Variants in WLS observed in about 807,000 individuals in gnomAD.
The protein encoded by WLS is Wnt ligand secretion mediator.
A neutral mutation model predicts 62.8 loss-of-function variants in WLS; 23 were observed. The ratio of observed to expected loss-of-function variants is 0.37; its 90% CI spans 0.26 to 0.52. The LOEUF is 0.52. WLS is among the 20% of genes least tolerant of loss of function. WLS has a pLI of 0.92. For synonymous variants in WLS, 246 were observed against 244.1 expected, an observed-to-expected ratio of 1.01 and a Z score of -0.07; for missense variants, 615 against 697.3, an observed-to-expected ratio of 0.88 and a Z score of 1.33.
At chr1:68,109,346 G>A (rs1646189309) in intron 11 of WLS, among the ~76,000 whole-genome samples, 2 of 152,166 alleles carry the variant, frequency 1.3e-5, no homozygotes, top group Admixed American at 1.3e-4. Flanking sequence ...CAATATATGA[G>A]CACTCAATAA....
intron 11 of WLS, among the ~76,000 whole-genome samples, chr1:68,113,626 T>C (rs1394100483): frequency 6.6e-6 from 1 of 152,152 alleles, no homozygotes; most frequent in African/African-American, 2.4e-5. Context: ...ACACATCTCT[T>C]AGAAATATTG....
chr1:68,214,206 C>CAT (rs1355759388), intron 1 of WLS, among the ~76,000 whole-genome samples: 5 of 152,040 alleles, frequency 3.3e-5, no homozygotes, highest in African/African-American at 1.2e-4. Context: ...CACACACACA[C>CAT]ACACCCCATT....
chr1:68,125,059 G>T (rs1054395574), downstream of WLS, among the ~76,000 whole-genome samples: 13 of 152,186 alleles, frequency 8.5e-5, no homozygotes, highest in Non-Finnish European at 1.3e-4. Flanking sequence ...TATCTCCAGT[G>T]CAAGTGTTAA....
downstream of WLS, among the ~76,000 whole-genome samples, chr1:68,120,651 T>C (rs548831680): frequency 2.5e-3 from 387 of 152,312 alleles, 3 homozygotes; most frequent in Non-Finnish European, 4.3e-3. Context: ...GATATGTAAC[T>C]TACAAAGTTG....
intron 11 of WLS, among the ~76,000 whole-genome samples, chr1:68,136,945 G>T (rs1165144744): frequency 6.6e-6 from 1 of 152,306 alleles, no homozygotes; most frequent in African/African-American, 2.4e-5. Flanking sequence ...CTATGTTTGG[G>T]GAATAGCAAA....
intron 1 of WLS, 77 bp downstream of exon 1, chr1:68,232,102 CAGTGATACTGTAACA>C: frequency 6.5e-7 from 1 of 1,532,250 alleles, no homozygotes. Context: ...AGAAGCAAGG[CAGTGATACTGTAACA>C]AGTAGCCCAA....
chr1:68,183,395 A>G (rs542332227), intron 2 of WLS: 2 of 247,862 alleles, frequency 8.1e-6, no homozygotes, highest in African/African-American at 4.6e-5. Context: ...TTATGTGAAT[A>G]TCATACTACC....
chr1:68,148,744 C>T, intron 6 of WLS, 84 bp from the exon 7 acceptor site: 4 of 1,223,426 alleles, frequency 3.3e-6, no homozygotes, highest in Non-Finnish European at 4.7e-6. Context: ...TCGAAGGACA[C>T]TTGCCGACCA....
At chr1:68,115,739 G>C (rs900768546) in intron 11 of WLS, among the ~76,000 whole-genome samples, 1 of 151,524 alleles carries the variant, frequency 6.6e-6, no homozygotes, top group South Asian at 2.1e-4. Flanking sequence ...ATTTCTGAAG[G>C]CATTTTCAAA....
At chr1:68,136,524 GC>G (rs1646612758) in intron 11 of WLS, among the ~76,000 whole-genome samples, 1 of 152,082 alleles carries the variant, frequency 6.6e-6, no homozygotes, top group African/African-American at 2.4e-5. Context: ...ACCACCCCCC[GC>G]TTTGTAAAGA....
At chr1:68,112,036 T>C (rs1646234822) in intron 11 of WLS, among the ~76,000 whole-genome samples, 1 of 152,208 alleles carries the variant, frequency 6.6e-6, no homozygotes, top group Non-Finnish European at 1.5e-5. Context: ...GAATGTACAG[T>C]ATTCATTGCT....
chr1:68,161,755 T>G, intron 2 of WLS: 1 of 1,592,590 alleles, frequency 6.3e-7, no homozygotes, highest in Non-Finnish European at 8.6e-7. Context: ...CATTCTCTGC[T>G]ATTGCTCGTT....
At chr1:68,108,698 A>G (rs1646179983) in intron 11 of WLS, among the ~76,000 whole-genome samples, 1 of 152,192 alleles carries the variant, frequency 6.6e-6, no homozygotes, top group South Asian at 2.1e-4. Flanking sequence ...ATTAATTTTA[A>G]TTTAATAGCC....
chr1:68,206,934 T>TC (rs1286812342), intron 1 of WLS, among the ~76,000 whole-genome samples: 1 of 152,016 alleles, frequency 6.6e-6, no homozygotes, highest in Non-Finnish European at 1.5e-5. Context: ...ATCAGGCCCC[T>TC]CCTCCCCCTC....
rs115656397 is a variant in WLS, at chr1:68,130,166, T to C, written c.1517-3831A>G. 1.5e-3 allele frequency among the ~76,000 whole-genome samples: 225 copies of C among 152,326 alleles called. 1 individual carries two copies. The highest frequency in any genetic ancestry group is 4.9e-3 in the African/African-American group (205 of 41,574). ...AGACAGCTTCTTAGGACCGGCAGCA[T>C]TTTAATGACAATTGTTTGTGTATCT... On this transcript the variant is annotated intron_variant, in intron 11 of 11. Transcript: ENST00000262348.
chr1:68,136,029 G>C (rs974302317), intron 11 of WLS, among the ~76,000 whole-genome samples: 4 of 152,138 alleles, frequency 2.6e-5, no homozygotes, highest in African/African-American at 9.7e-5. Flanking sequence ...GAAACTGATT[G>C]TAACATGTCT....
intron 2 of WLS, among the ~76,000 whole-genome samples, chr1:68,170,312 TG>T (rs1409083199): frequency 1.3e-5 from 2 of 151,870 alleles, no homozygotes; most frequent in African/African-American, 4.8e-5. Flanking sequence ...ATTACATGCA[TG>T]GGCCACCATG....
At chr1:68,194,864 G>A (rs994689692) in intron 1 of WLS, among the ~76,000 whole-genome samples, 5 of 152,136 alleles carry the variant, frequency 3.3e-5, no homozygotes, top group Non-Finnish European at 7.3e-5. Flanking sequence ...AAATATAAAC[G>A]ATGCACTTCA....
chr1:68,110,851 A>T (rs1274948064), intron 11 of WLS, among the ~76,000 whole-genome samples: 1 of 152,136 alleles, frequency 6.6e-6, no homozygotes, highest in South Asian at 2.1e-4. Context: ...ATAGGAAAAA[A>T]ATTAAAGAGG....
Sources: gnomAD v4.1 joint callset for allele counts (sites outside exome capture counted in the v4.1 genomes callset) on GRCh38, gnomAD v4.1.1 for gene constraint, MANE v1.5 for transcripts, NCBI Gene and HGNC (gene_info 2026-07-23, HGNC 2026-07-21) for gene names.